ASPH: variants seen among roughly 807,000 people sequenced by gnomAD.
ASPH encodes aspartyl/asparaginyl beta-hydroxylase.
In ASPH, 100 loss-of-function variants were observed where a neutral mutation model predicts 118.4. The observed-to-expected ratio is 0.84, with a 90% confidence interval of 0.72 to 1.00. The LOEUF is 1.00. ASPH is among the 50% of genes least tolerant of loss of function. The probability of loss-of-function intolerance (pLI) is 0.00; values close to 1 mark genes in which losing one functional copy is unlikely to be tolerated. For missense variants in ASPH, 920 were observed against 919.5 expected (o/e 1.00, Z -0.01); for synonymous variants, 315 against 325.6 (o/e 0.97, Z 0.35).
intron 9 of ASPH, 59 bp downstream of exon 9, chr8:61,643,327 C>T: frequency 6.6e-7 from 1 of 1,514,028 alleles, no homozygotes; most frequent in East Asian, 2.3e-5. Context: ...GTAAACACAG[C>T]ATGTGATTGA....
intron 1 of ASPH, among the ~76,000 whole-genome samples, chr8:61,685,149 C>T (rs952624201): frequency 6.6e-6 from 1 of 152,072 alleles, no homozygotes; most frequent in Non-Finnish European, 1.5e-5. Context: ...ACTATTTCTA[C>T]AGAGGGCATT....
intron 14 of ASPH, among the ~76,000 whole-genome samples, chr8:61,594,917 C>A (rs1842118858): frequency 6.6e-6 from 1 of 152,142 alleles, no homozygotes; most frequent in Non-Finnish European, 1.5e-5. Context: ...TCTGAACTAT[C>A]TTATTTTTCA....
intron 1 of ASPH, among the ~76,000 whole-genome samples, chr8:61,705,024 A>G (rs1836246619): frequency 6.6e-6 from 1 of 152,210 alleles, no homozygotes; most frequent in Admixed American, 6.5e-5. Context: ...ATATTCATAG[A>G]ATTTTATTCA....
rs1806916221 is a variant in ASPH, at chr8:61,644,615, G to A, written c.637C>T (p.His213Tyr). Residue 213 changes from histidine (H) to tyrosine (Y), a missense_variant, in exon 7 of 25, where the codon CAC becomes TAC. Physicochemically the swap from His to Tyr is moderately conservative, Grantham distance 83 (BLOSUM62 2). Coordinates refer to ENST00000379454, the MANE Select transcript of ASPH (RefSeq NM_004318.4). ...VSHEETEHSYHVEETVSQDCN... is the reference protein window; with the variant it reads ...VSHEETEHSYYVEETVSQDCN... ...AAAATCTCACCTGTCTCTTCCACGT[G>A]GTAACTATGCTCGGTTTCTGGAAAA... The A allele has an allele frequency of 6.3e-7, 1 of 1,584,690 alleles. No individual in the cohort carries two copies. The highest frequency in any genetic ancestry group is 1.8e-5 in the Admixed American group (1 of 56,842).
chr8:61,546,294 T>C (rs1823843925), intron 21 of ASPH, among the ~76,000 whole-genome samples: 1 of 152,222 alleles, frequency 6.6e-6, no homozygotes, highest in Non-Finnish European at 1.5e-5. Flanking sequence ...CATTTCTTGT[T>C]GTTTAAGCCA....
chr8:61,655,870 T>C (rs1813416783), intron 3 of ASPH, among the ~76,000 whole-genome samples: 1 of 152,188 alleles, frequency 6.6e-6, no homozygotes, highest in Non-Finnish European at 1.5e-5. Flanking sequence ...AATTGTAAAC[T>C]TCAAAGAAGC....
At chr8:61,546,905 T>C (rs758747238) in intron 21 of ASPH, among the ~76,000 whole-genome samples, 2 of 152,194 alleles carry the variant, frequency 1.3e-5, no homozygotes, top group Non-Finnish European at 2.9e-5. Context: ...GATTCTAACA[T>C]TATCAATATT....
At chr8:61,576,553 C>T (rs931162672) in intron 16 of ASPH, 2 of 441,950 alleles carry the variant, frequency 4.5e-6, no homozygotes, top group Non-Finnish European at 8.0e-6. Flanking sequence ...ATTTTCTTTT[C>T]AAAGCCAGAG....
chr8:61,617,037 C>T (rs749380599), intron 14 of ASPH, among the ~76,000 whole-genome samples: 4 of 152,256 alleles, frequency 2.6e-5, no homozygotes, highest in Admixed American at 2.0e-4. Context: ...GTGATTATTA[C>T]ACATCCAACA....
chr8:61,615,734 CAT>C (rs781438194), intron 14 of ASPH, among the ~76,000 whole-genome samples: 3 of 152,108 alleles, frequency 2.0e-5, no homozygotes, highest in East Asian at 1.9e-4. Context: ...TTATCTAAAA[CAT>C]AAAAATAATC....
intron 21 of ASPH, among the ~76,000 whole-genome samples, chr8:61,543,437 T>C (rs1330520304): frequency 1.3e-5 from 2 of 152,248 alleles, no homozygotes; most frequent in African/African-American, 4.8e-5. Flanking sequence ...TTGTACTTTA[T>C]GACTCCAGAT....
chr8:61,697,937 T>C (rs1472861126), intron 1 of ASPH, among the ~76,000 whole-genome samples: 8 of 151,898 alleles, frequency 5.3e-5, no homozygotes, highest in Non-Finnish European at 1.2e-4. Context: ...ACCACAGGCA[T>C]GCACCGCCAT....
chr8:61,614,330 C>T (rs1848366712), intron 14 of ASPH, among the ~76,000 whole-genome samples: 1 of 152,160 alleles, frequency 6.6e-6, no homozygotes, highest in Non-Finnish European at 1.5e-5. Context: ...CACATAGATA[C>T]ACACAAGAAA....
chr8:61,676,077 A>C, intron 3 of ASPH: 1 of 1,599,316 alleles, frequency 6.3e-7, no homozygotes, highest in South Asian at 1.1e-5. Flanking sequence ...AATCAAGGTT[A>C]CTGGTTATGT....
rs968858353 is a variant in ASPH at position 61,662,842 on chromosome 8, T to C, written c.323-9182A>G. ...AAACATTTCAAAGTACTTTACTAAA[T>C]AGCAATAGACAATTCTTATGTGCTT... On this transcript the variant is annotated intron_variant, in intron 3 of 24. Coordinates refer to ENST00000379454, the MANE Select transcript of ASPH (RefSeq NM_004318.4). 2.1e-5 allele frequency: 21 copies of C among 983,246 alleles called. No individual in the cohort carries two copies. In the African/African-American group the frequency reaches 3.5e-4, roughly 16 times the overall value. 60.9% of individuals were successfully genotyped at this position (983,246 alleles called of 1,614,324 possible). A position where few individuals can be genotyped will look rare whatever the true frequency, so the allele number is the denominator to read the frequency against.
At chr8:61,580,889 T>A (rs957664051) in intron 15 of ASPH, among the ~76,000 whole-genome samples, 15 of 152,216 alleles carry the variant, frequency 9.9e-5, no homozygotes, top group African/African-American at 3.1e-4. Flanking sequence ...CCAAATAACA[T>A]AACATTTACA....
At chr8:61,610,463 T>A (rs1846972353) in intron 14 of ASPH, among the ~76,000 whole-genome samples, 1 of 152,230 alleles carries the variant, frequency 6.6e-6, no homozygotes. Flanking sequence ...ATCAGACTTG[T>A]ATGAGAGTCA....
Position 61,517,533 on chromosome 8 carries a change from C to T in ASPH, c.2121G>A (p.Glu707=), listed in dbSNP as rs748623278. 6.2e-7 allele frequency: 1 copy of T among 1,613,892 alleles called. No homozygotes were observed. The highest frequency in any genetic ancestry group is 2.2e-5 in the East Asian group (1 of 44,882). Residue 707 remains glutamate (E), a synonymous_variant, in exon 24 of 25, where the codon GAG becomes GAA. Coordinates refer to ENST00000379454, the MANE Select transcript of ASPH (RefSeq NM_004318.4). Reference sequence around the variant, plus strand: ...GGATAACAGAGGACCCATACTTGGTCTCGTTGGCACATCGAATCTTGCAGC... The same window carrying T: ...GGATAACAGAGGACCCATACTTGGTTTCGTTGGCACATCGAATCTTGCAGC... The part of the protein sequence containing the change: ...KEGCKIRCAN[E]TKTWEEGKVL...
chr8:61,585,372 G>A (rs1403799650), intron 14 of ASPH, among the ~76,000 whole-genome samples: 1 of 152,160 alleles, frequency 6.6e-6, no homozygotes, highest in Non-Finnish European at 1.5e-5. Flanking sequence ...GCAGGGAAGG[G>A]GGCAAAGCGG....
Sources: allele counts gnomAD v4.1 joint callset (sites outside exome capture counted in the v4.1 genomes callset), GRCh38; gene constraint gnomAD v4.1.1; transcripts MANE v1.5; gene names NCBI Gene and HGNC (gene_info 2026-07-23, HGNC 2026-07-21).